Variants in DOCK2 observed in about 807,000 individuals in gnomAD.
The protein encoded by DOCK2 is dedicator of cytokinesis 2, also known as dedicator of cytokinesis protein 2.
A neutral mutation model predicts 248.9 loss-of-function variants in DOCK2; 87 were observed. That is an observed-to-expected ratio of 0.35 (90% CI 0.29 to 0.42). The LOEUF (loss-of-function observed/expected upper bound fraction) is 0.42, where lower values mean the gene tolerates loss of function less well. DOCK2 is among the 10% of genes least tolerant of loss of function. DOCK2 has a pLI of 1.00. For synonymous variants in DOCK2, 805 were observed against 821.6 expected (o/e 0.98, Z 0.35); for missense variants, 1,747 against 2,300.2 (o/e 0.76, Z 4.92).
intron 1 of DOCK2, 113 bp from the exon 2 acceptor site, chr5:169,654,290 G>C (rs1757969529): frequency 8.5e-7 from 1 of 1,171,912 alleles, no homozygotes; most frequent in African/African-American, 1.5e-5. Flanking sequence ...GTTTTGTTTA[G>C]CCCAGGTGGG....
At chr5:169,646,829 G>A (rs930385284) in intron 1 of DOCK2, among the ~76,000 whole-genome samples, 2 of 152,218 alleles carry the variant, frequency 1.3e-5, no homozygotes, top group Non-Finnish European at 2.9e-5. Flanking sequence ...TATAGCCAAA[G>A]CATTCTGCCT....
intron 41 of DOCK2, among the ~76,000 whole-genome samples, chr5:170,053,431 T>C (rs1168636233): frequency 6.6e-6 from 1 of 152,230 alleles, no homozygotes. Context: ...CCAATAAAAC[T>C]CTATGGACAC....
intron 25 of DOCK2, among the ~76,000 whole-genome samples, chr5:169,797,413 G>A (rs546556046): frequency 8.9e-4 from 135 of 152,354 alleles, no homozygotes; most frequent in African/African-American, 3.2e-3. Flanking sequence ...CTTATTTGAA[G>A]TGTCCCTGAG....
intron 13 of DOCK2, among the ~76,000 whole-genome samples, chr5:169,700,586 C>T (rs1467041272): frequency 6.6e-6 from 1 of 151,668 alleles, no homozygotes; most frequent in Non-Finnish European, 1.5e-5. Context: ...ATTCAAATGG[C>T]CTGAAAAGGT....
chr5:169,988,059 T>C (rs2113790241), intron 29 of DOCK2, among the ~76,000 whole-genome samples: 1 of 152,274 alleles, frequency 6.6e-6, no homozygotes, highest in East Asian at 1.9e-4. Flanking sequence ...TCAATAATAA[T>C]AGCGTTGCCA....
At chr5:169,671,272 G>A (rs1759040487) in intron 5 of DOCK2, 98 bp downstream of exon 5, 1 of 1,097,282 alleles carries the variant, frequency 9.1e-7, no homozygotes. Context: ...AGGTGGAGGT[G>A]GCTTTGGTGA....
intron 26 of DOCK2, among the ~76,000 whole-genome samples, chr5:169,817,703 A>G (rs894999814): frequency 3.3e-5 from 5 of 152,218 alleles, no homozygotes; most frequent in African/African-American, 9.7e-5. Flanking sequence ...GACATAGGCC[A>G]TCATTTACAG....
At chr5:170,029,317 C>T (rs904258624) in intron 34 of DOCK2, among the ~76,000 whole-genome samples, 7 of 152,110 alleles carry the variant, frequency 4.6e-5, no homozygotes, top group African/African-American at 9.7e-5. Context: ...ATTGCATTTC[C>T]GCGATGTGTA....
Position 170,078,996 on chromosome 5 carries a change from A to G in DOCK2, c.5016A>G (p.Ser1672=). Residue 1672 remains serine, a synonymous_variant, in exon 49 of 52, where the codon TCA becomes TCG. Transcript: ENST00000520908. ...TCAGCTTTGACCTGGAATTAGCATC[A>G]CCCAAGACGCCGAGAGTGGAGCAGG... ...TSESFDLELA[S]PKTPRVEQEE... The G allele has an allele frequency of 1.2e-6, 2 of 1,614,066 alleles. No individual in the cohort carries two copies. The highest frequency in any genetic ancestry group is 1.7e-6 in the Non-Finnish European group (2 of 1,179,998).
chr5:169,963,027 G>T (rs1777155706), intron 27 of DOCK2, among the ~76,000 whole-genome samples: 1 of 152,158 alleles, frequency 6.6e-6, no homozygotes, highest in Admixed American at 6.5e-5. Flanking sequence ...ATGCTTAAGT[G>T]GGGCTTTGGG....
chr5:169,761,551 C>T lies in DOCK2; in HGVS notation c.2480C>T (p.Pro827Leu), dbSNP rs1561671839. The change falls in exon 25 of 52, where the codon CCT becomes CTT. Residue 827 changes from proline (P) to leucine (L), a missense_variant. Pro to Leu is a moderately conservative substitution (Grantham distance 98). Around this residue, in one of 4 missense-constraint regions of DOCK2, gnomAD observed 858 missense variants for 1,183.5 expected, o/e 0.72. Coordinates refer to ENST00000520908, the MANE Select transcript of DOCK2 (RefSeq NM_004946.3). ...QLLYEFYTCI[P>L]PVKLQKQKVQ... ...CTGTATGAGTTCTACACCTGCATCC[C>T]TCCTGTGAAACTCCAGAAGCAGAAA... is the stretch of plus-strand genomic sequence containing the variant. The T allele has an allele frequency of 6.2e-7, 1 of 1,614,088 alleles. No homozygotes were observed. Among genetic ancestry groups the T allele is most frequent in the Non-Finnish European group, 8.5e-7 (1 of 1,179,954 alleles).
At chr5:170,066,988 ACT>A (rs1475905631) in intron 44 of DOCK2, among the ~76,000 whole-genome samples, 2 of 152,062 alleles carry the variant, frequency 1.3e-5, no homozygotes, top group Non-Finnish European at 2.9e-5. Flanking sequence ...TTTTGATGGC[ACT>A]CTGTTTATAT....
At chr5:169,658,734 TA>T (rs1457831550) in intron 2 of DOCK2, among the ~76,000 whole-genome samples, 1 of 150,780 alleles carries the variant, frequency 6.6e-6, no homozygotes, top group Non-Finnish European at 1.5e-5. Context: ...ATATTAGTTT[TA>T]AACAAACAAA....
At chr5:169,928,598 G>A (rs1775591484) in intron 27 of DOCK2, among the ~76,000 whole-genome samples, 1 of 152,184 alleles carries the variant, frequency 6.6e-6, no homozygotes, top group Non-Finnish European at 1.5e-5. Flanking sequence ...AGAAAGCATG[G>A]AAAGGACAGT....
intron 40 of DOCK2, 58 bp downstream of exon 40, chr5:170,047,672 C>T (rs1274042239): frequency 9.4e-6 from 14 of 1,483,470 alleles, no homozygotes; most frequent in African/African-American, 1.4e-5. Context: ...GGCATCTCAG[C>T]GGTCCTTCTA....
chr5:169,771,167 C>G (rs1026978317), intron 25 of DOCK2, among the ~76,000 whole-genome samples: 2 of 152,252 alleles, frequency 1.3e-5, no homozygotes, highest in Non-Finnish European at 2.9e-5. Context: ...ACTACATCAT[C>G]ACTGTCTTCA....
In DOCK2 at chr5:170,057,679, C is replaced by T. The variant is rs1352488771; in HGVS notation, c.4467+13C>T. Reference sequence around the variant, plus strand: ...GCACATGTCGCAGGTGAGTCTGGGACATTCGTGGCAGGGCCACCCTTCCTC... The same window carrying T: ...GCACATGTCGCAGGTGAGTCTGGGATATTCGTGGCAGGGCCACCCTTCCTC... On this transcript the variant is annotated intron_variant, in intron 44 of 51. Transcript: ENST00000520908. 5.7e-6 allele frequency: 9 copies of T among 1,592,060 alleles called. No individual in the cohort carries two copies. The highest frequency in any genetic ancestry group is 7.7e-6 in the Non-Finnish European group (9 of 1,167,162).
Position 170,047,612 on chromosome 5 carries a change from C to A in DOCK2, c.4069C>A (p.Arg1357=). The change falls in exon 40 of 52, where the codon CGG becomes AGG. Residue 1357 remains arginine, a splice_region_variant and synonymous_variant. Transcript: ENST00000520908. The part of the protein sequence containing the change: ...YYGQGFPSFL[R]NKVFIYRGKE... ...CGGCCAGGGATTCCCCTCCTTCCTG[C>A]GGGTGAGTTTGGGGGTGACTTGGAC... The A allele has an allele frequency of 1.2e-6, 2 of 1,613,828 alleles. No homozygotes were observed. The highest frequency in any genetic ancestry group is 8.5e-7 in the Non-Finnish European group (1 of 1,179,840).
At chr5:170,034,325 T>A in intron 34 of DOCK2, 74 bp from the exon 35 acceptor site, 1 of 1,570,110 alleles carries the variant, frequency 6.4e-7, no homozygotes. Context: ...ATGTGCTCCA[T>A]CCCACCGCCC....
Sources: allele counts gnomAD v4.1 joint callset (sites outside exome capture counted in the v4.1 genomes callset), GRCh38; gene constraint gnomAD v4.1.1; regional missense constraint gnomAD v4.1.1; transcripts MANE v1.5; gene names NCBI Gene and HGNC (gene_info 2026-07-23, HGNC 2026-07-21).